ZNF727: variants seen among roughly 807,000 people sequenced by gnomAD.
The protein encoded by ZNF727 is putative zinc finger protein 727.
A neutral mutation model predicts 11.5 loss-of-function variants in ZNF727; 11 were observed. That is an observed-to-expected ratio of 0.95 (90% CI 0.60 to 1.58). The LOEUF is 1.58. ZNF727 is among the 40% of genes most tolerant of loss of function. The probability of loss-of-function intolerance (pLI) is 0.00; values close to 1 mark genes in which losing one functional copy is unlikely to be tolerated. For missense variants in ZNF727, 533 were observed against 581.7 expected, an observed-to-expected ratio of 0.92 and a Z score of 0.86; for synonymous variants, 171 against 196.1, an observed-to-expected ratio of 0.87 and a Z score of 1.07.
chr7:64,062,920 A>G (rs1789797268), intron 1 of ZNF727, among the ~76,000 whole-genome samples: 2 of 151,234 alleles, frequency 1.3e-5, no homozygotes, highest in South Asian at 4.2e-4. Context: ...CTTCAATGTC[A>G]TTTGAATTTT....
rs1318091919 is a variant in ZNF727, at chr7:64,080,290, T to TAAAAG, written c.*1743_*1744insAAGAA. 6.6e-6 allele frequency among the ~76,000 whole-genome samples: 1 copy of TAAAAG among 152,202 alleles called. No homozygotes were observed. The highest frequency in any genetic ancestry group is 2.4e-5 in the African/African-American group (1 of 41,458). On this transcript the variant is annotated 3_prime_UTR_variant, in exon 4 of 4. Transcript: ENST00000456806. ...CTCCATCACTTTCAAGCACTCTCTT[T>TAAAAG]AATTATAGATTTGGTTTATTTACAT...
chr7:64,068,778 ATAACTCCAG>A (rs1789910679), intron 1 of ZNF727, 104 bp from the exon 2 acceptor site: 3 of 1,236,726 alleles, frequency 2.4e-6, no homozygotes, highest in Middle Eastern at 2.1e-4. Flanking sequence ...ATCCTATTGG[ATAACTCCAG>A]TAACTCATAT....
intron 1 of ZNF727, among the ~76,000 whole-genome samples, chr7:64,061,561 T>G (rs1212260356): frequency 1.3e-5 from 2 of 152,000 alleles, no homozygotes; most frequent in African/African-American, 2.4e-5. Context: ...AGTCTTTCTG[T>G]GTCTTTATTG....
At position 64,069,541 on chromosome 7, in the gene ZNF727, T is replaced by G; in HGVS notation, c.158T>G (p.Ile53Ser). The change falls in exon 3 of 4, where the codon ATT (isoleucine) becomes AGT (serine). Residue 53 changes from isoleucine to serine, a missense_variant. Coordinates refer to ENST00000456806, the MANE Select transcript of ZNF727 (RefSeq NM_001159522.3). ...LGLAIFKPDLITYLEQRKEPW... is the reference protein window; with the variant it reads ...LGLAIFKPDLSTYLEQRKEPW... ...CTTGCTATCTTTAAGCCAGACTTGA[T>G]TACCTATCTGGAGCAAAGAAAAGAG... 1 of 1,560,304 alleles carries G rather than the reference T, an allele frequency of 6.4e-7. No homozygotes were observed. The highest frequency in any genetic ancestry group is 8.7e-7 in the Non-Finnish European group (1 of 1,151,348).
At position 64,045,645 on chromosome 7, in the gene ZNF727, T is replaced by G. The variant is rs566980555; in HGVS notation, c.3+21T>G. The G allele has an allele frequency of 1.7e-5, 26 of 1,559,132 alleles. No individual in the cohort carries two copies. In the South Asian group the frequency reaches 3.0e-4, roughly 18 times the overall value. ...AAATGGTGAGTGCGCGGAGTGGGTG[T>G]CCCGAGAAGGGGGAAGAGGCTGTTT... On this transcript the variant is annotated intron_variant, in intron 1 of 3. Coordinates refer to ENST00000456806, the MANE Select transcript of ZNF727 (RefSeq NM_001159522.3).
chr7:64,078,393 A>C lies in ZNF727; in HGVS notation c.1344A>C (p.Gly448=). ...DLTNHKRIHT[G]EKPYKCEECG... is the part of the protein sequence containing the mutation. ...CTAATCATAAGAGAATTCACACTGG[A>C]GAGAAGCCCTACAAATGTGAAGAAT... The change falls in exon 4 of 4, where the codon GGA becomes GGC. Residue 448 remains glycine, a synonymous_variant. Coordinates refer to ENST00000456806, the MANE Select transcript of ZNF727 (RefSeq NM_001159522.3). 1.3e-6 allele frequency: 2 copies of C among 1,593,178 alleles called. No individual in the cohort carries two copies. The highest frequency in any genetic ancestry group is 1.7e-6 in the Non-Finnish European group (2 of 1,169,428).
intron 1 of ZNF727, among the ~76,000 whole-genome samples, chr7:64,066,199 A>T (rs1456253361): frequency 6.6e-6 from 1 of 152,202 alleles, no homozygotes; most frequent in Non-Finnish European, 1.5e-5. Flanking sequence ...GGATAGGAAG[A>T]ATCAGTATCA....
chr7:64,049,756 A>G (rs2011824), intron 1 of ZNF727, among the ~76,000 whole-genome samples: 96,409 of 151,004 alleles, frequency 0.64, 31,503 homozygotes, highest in Non-Finnish European at 0.71. Context: ...TTAGCATTTT[A>G]TCTTATTTAG....
At chr7:64,047,379 G>A (rs1393390189) in intron 1 of ZNF727, among the ~76,000 whole-genome samples, 1 of 152,108 alleles carries the variant, frequency 6.6e-6, no homozygotes, top group Non-Finnish European at 1.5e-5. Context: ...TCGTCTGTTC[G>A]TGAACATTTC....
intron 1 of ZNF727, among the ~76,000 whole-genome samples, chr7:64,060,124 T>C (rs2116291234): frequency 6.6e-6 from 1 of 152,342 alleles, no homozygotes. Flanking sequence ...TAGGATAAAC[T>C]ATATATGACA....
At chr7:64,074,446 G>A (rs1008395024) in intron 3 of ZNF727, among the ~76,000 whole-genome samples, 2 of 152,094 alleles carry the variant, frequency 1.3e-5, no homozygotes, top group African/African-American at 4.8e-5. Flanking sequence ...TGAGGGATTT[G>A]GAAAATTTGT....
At chr7:64,065,290 G>C (rs1049349157) in intron 1 of ZNF727, among the ~76,000 whole-genome samples, 2 of 152,162 alleles carry the variant, frequency 1.3e-5, no homozygotes, top group Non-Finnish European at 2.9e-5. Context: ...GTAGGGGCAG[G>C]TCACTGCGGC....
intron 3 of ZNF727, 55 bp downstream of exon 3, chr7:64,069,664 A>T: frequency 7.4e-7 from 1 of 1,356,848 alleles, no homozygotes; most frequent in Non-Finnish European, 1.0e-6. Flanking sequence ...AATGTCAAGG[A>T]GGAAGCCAGA....
In ZNF727 at chr7:64,079,101, T is replaced by C. The variant is rs1785741960; in HGVS notation, c.*552T>C. On this transcript the variant is annotated 3_prime_UTR_variant, in exon 4 of 4. Transcript: ENST00000456806. ...TGCGAAGAATGTGGCAAAACCTTTA[T>C]GTGGCTCTCAGACTTTACTAATCAT... Among the ~76,000 whole-genome samples, 1 of 151,984 alleles carries C rather than the reference T, an allele frequency of 6.6e-6. No homozygotes were observed. The highest frequency in any genetic ancestry group is 2.1e-4 in the South Asian group (1 of 4,820).
rs1488424323 is a variant in ZNF727 at position 64,077,846 on chromosome 7, G to A, written c.797G>A (p.Arg266Lys). 4 of 1,564,000 alleles carry A rather than the reference G, an allele frequency of 2.6e-6. No homozygotes were observed. Among genetic ancestry groups the A allele is most frequent in the African/African-American group, 2.7e-5 (2 of 73,192 alleles). The change falls in exon 4 of 4, where the codon AGG becomes AAG. Residue 266 changes from arginine (R) to lysine (K), a missense_variant. This residue lies in a region of ZNF727 where 463 missense variants were observed against 494.5 expected (regional missense o/e 0.94). Coordinates refer to ENST00000456806, the MANE Select transcript of ZNF727 (RefSeq NM_001159522.3). ...YKCEECHKAF[R>K]CCSDLTKHKR... ...TGCGAAGAATGTCACAAAGCCTTTA[G>A]GTGTTGCTCAGACCTTACTAAACAT...
rs752019369 is a variant in ZNF727, at chr7:64,082,748, G to A, written c.*4199G>A. Among the ~76,000 whole-genome samples, 30 of 152,076 alleles carry A rather than the reference G, an allele frequency of 2.0e-4. No homozygotes were observed. Among genetic ancestry groups the A allele is most frequent in the African/African-American group, 3.6e-4 (15 of 41,422 alleles). On this transcript the variant is annotated 3_prime_UTR_variant, in exon 4 of 4. Transcript: ENST00000456806. ...AAAAAGAAAATTAGCCAGGTGTGGC[G>A]GCATGCACCAGTAGTCTCAGCTAAT...
intron 3 of ZNF727, among the ~76,000 whole-genome samples, chr7:64,070,694 T>C (rs1789946486): frequency 2.0e-5 from 3 of 152,222 alleles, no homozygotes; most frequent in Middle Eastern, 3.4e-3. Flanking sequence ...TATTACTTTC[T>C]ATAATCATAA....
At chr7:64,075,532 A>C (rs1790026696) in intron 3 of ZNF727, among the ~76,000 whole-genome samples, 5 of 152,064 alleles carry the variant, frequency 3.3e-5, no homozygotes, top group Non-Finnish European at 2.9e-5. Flanking sequence ...TGTGGTGCCT[A>C]TACACTATGA....
At chr7:64,064,175 CCT>C (rs1789826506) in intron 1 of ZNF727, among the ~76,000 whole-genome samples, 1 of 152,050 alleles carries the variant, frequency 6.6e-6, no homozygotes, top group Non-Finnish European at 1.5e-5. Flanking sequence ...TTTACTCTTC[CCT>C]CTCTTTTCCT....
Sources: allele counts gnomAD v4.1 joint callset (sites outside exome capture counted in the v4.1 genomes callset), GRCh38; gene constraint gnomAD v4.1.1; regional missense constraint gnomAD v4.1.1; transcripts MANE v1.5; gene names NCBI Gene and HGNC (gene_info 2026-07-23, HGNC 2026-07-21).